Variants in NRCAM observed in about 807,000 individuals in gnomAD.
NRCAM encodes the protein neuronal cell adhesion molecule, also known as NgCAM-related cell adhesion molecule.
A neutral mutation model predicts 156.5 loss-of-function variants in NRCAM; 83 were observed. The ratio of observed to expected loss-of-function variants is 0.53; its 90% CI spans 0.44 to 0.64. NRCAM has a LOEUF of 0.64. Ranked by LOEUF, NRCAM falls within the 30% of genes least tolerant of loss-of-function variation. The pLI, the probability that NRCAM is intolerant of heterozygous loss-of-function variation, is 0.00. For missense variants in NRCAM, 1,417 were observed against 1,597.3 expected, an observed-to-expected ratio of 0.89 and a Z score of 1.92; for synonymous variants, 538 against 563.9, an observed-to-expected ratio of 0.95 and a Z score of 0.65.
At chr7:108,191,499 C>T (rs1459817064) in intron 18 of NRCAM, among the ~76,000 whole-genome samples, 1 of 152,072 alleles carries the variant, frequency 6.6e-6, no homozygotes, top group Non-Finnish European at 1.5e-5. Flanking sequence ...TATTTTATTA[C>T]AAAAAAGGTT....
chr7:108,154,312 C>T (rs2151049635), intron 32 of NRCAM, among the ~76,000 whole-genome samples: 1 of 152,144 alleles, frequency 6.6e-6, no homozygotes, highest in Admixed American at 6.5e-5. Context: ...GCTATCATAA[C>T]TAGAATAAGT....
chr7:108,424,368 T>C (rs528712369), intron 1 of NRCAM, among the ~76,000 whole-genome samples: 1 of 152,330 alleles, frequency 6.6e-6, no homozygotes, highest in Admixed American at 6.5e-5. Flanking sequence ...TGCGGTGGCT[T>C]CCTGGAAGCT....
chr7:108,169,160 A>G (rs1416088827), intron 28 of NRCAM, among the ~76,000 whole-genome samples: 2 of 152,242 alleles, frequency 1.3e-5, no homozygotes, highest in Non-Finnish European at 2.9e-5. Flanking sequence ...CTGAAAAATC[A>G]TAGTGCAACC....
intron 2 of NRCAM, among the ~76,000 whole-genome samples, chr7:108,342,560 A>C (rs570123076): frequency 1.3e-5 from 2 of 152,240 alleles, no homozygotes; most frequent in Non-Finnish European, 2.9e-5. Context: ...CAGGCCCTGA[A>C]GAAGGCCCTA....
At chr7:108,207,256 C>T in intron 13 of NRCAM, 1 of 270,062 alleles carries the variant, frequency 3.7e-6, no homozygotes, top group South Asian at 7.9e-5. Flanking sequence ...TATTTCTGAC[C>T]CTGTCATTCT....
intron 32 of NRCAM, among the ~76,000 whole-genome samples, chr7:108,155,135 CACACACACAT>C (rs1563168725): frequency 0.076 from 10,623 of 140,192 alleles, 491 homozygotes; most frequent in African/African-American, 0.14. Flanking sequence ...CACACACACA[CACACACACAT>C]ATAGCAGACC....
At chr7:108,389,243 C>G (rs539742349) in intron 2 of NRCAM, among the ~76,000 whole-genome samples, 79 of 152,134 alleles carry the variant, frequency 5.2e-4, no homozygotes, top group East Asian at 7.7e-4. Flanking sequence ...GTTGAGCAGT[C>G]GTTTGTAGTT....
chr7:108,400,427 C>T (rs1293052768), intron 1 of NRCAM, among the ~76,000 whole-genome samples: 1 of 152,184 alleles, frequency 6.6e-6, no homozygotes, highest in Non-Finnish European at 1.5e-5. Context: ...CTCAACCCTG[C>T]CTGTGCATTA....
chr7:108,177,711 A>G (rs1454133881), intron 26 of NRCAM, among the ~76,000 whole-genome samples: 5 of 19,798 alleles, frequency 2.5e-4, no homozygotes, highest in African/African-American at 3.8e-4. Flanking sequence ...GTATATATAT[A>G]TATACGTGTG....
At chr7:108,300,397 C>A (rs1283462907) in intron 3 of NRCAM, among the ~76,000 whole-genome samples, 1 of 151,674 alleles carries the variant, frequency 6.6e-6, no homozygotes, top group Non-Finnish European at 1.5e-5. Flanking sequence ...TTAGAGGATA[C>A]CAGATGCTAT....
intron 20 of NRCAM, among the ~76,000 whole-genome samples, chr7:108,189,140 C>T (rs941145482): frequency 6.6e-6 from 1 of 152,222 alleles, no homozygotes; most frequent in Non-Finnish European, 1.5e-5. Flanking sequence ...AACTTTGTAG[C>T]AGGGACTAAT....
chr7:108,295,675 G>T (rs2098439942), intron 3 of NRCAM, among the ~76,000 whole-genome samples: 1 of 152,192 alleles, frequency 6.6e-6, no homozygotes, highest in Non-Finnish European at 1.5e-5. Context: ...TCACCTCATA[G>T]CATTCATTGT....
chr7:108,415,660 C>A (rs1800624532), intron 1 of NRCAM, among the ~76,000 whole-genome samples: 1 of 152,160 alleles, frequency 6.6e-6, no homozygotes, highest in African/African-American at 2.4e-5. Flanking sequence ...GTGGGTGGAT[C>A]ATCTGAGGTC....
intron 1 of NRCAM, among the ~76,000 whole-genome samples, chr7:108,434,541 T>TACAC (rs141756969): frequency 0.14 from 19,700 of 141,080 alleles, 1,395 homozygotes; most frequent in East Asian, 0.17. Context: ...CAATGGAATG[T>TACAC]ACACACACAC....
intron 32 of NRCAM, among the ~76,000 whole-genome samples, chr7:108,154,827 C>T (rs2043995395): frequency 1.3e-5 from 2 of 152,044 alleles, no homozygotes; most frequent in Non-Finnish European, 2.9e-5. Context: ...CAGGTCCCTA[C>T]TTCAGAGAGA....
At chr7:108,177,918 ATTAT>A (rs1410099339) in intron 26 of NRCAM, 68 bp downstream of exon 26, 5 of 1,423,386 alleles carry the variant, frequency 3.5e-6, no homozygotes, top group Admixed American at 2.0e-5. Context: ...AGGAGGTATA[ATTAT>A]TTGTCAATTA....
In NRCAM at chr7:108,405,464, A is replaced by G. The variant is rs929613617; in HGVS notation, c.-331-5871T>C. Among the ~76,000 whole-genome samples the G allele has an allele frequency of 3.9e-5, 6 of 152,318 alleles. No homozygotes were observed. In the South Asian group the frequency reaches 1.2e-3, roughly 32 times the overall value. ...CTCTTTGAACCCTCACAATAATCCC[A>G]TAAGGTGGACATTATTGCAACAATT... is the stretch of plus-strand genomic sequence containing the variant. On this transcript the variant is annotated intron_variant, in intron 1 of 32. Coordinates refer to ENST00000379028, the MANE Select transcript of NRCAM (RefSeq NM_001037132.4).
rs2065520842 is a variant in NRCAM at position 108,184,552 on chromosome 7, C to A, written c.2098G>T (p.Val700Phe). Residue 700 changes from valine to phenylalanine, a missense_variant, in exon 21 of 33, where the codon GTT becomes TTT. By Grantham distance (50) the Val-to-Phe change is conservative (BLOSUM62 -1). Transcript: ENST00000379028. ...TGGGCTGTGGTCTGTGTTCCAGAAA[C>A]TTCAGTTTGGTGGTGCCACAGCCCT... ...KPGLWHHQTE[V>F]SGTQTTAQLK... is the part of the protein sequence containing the mutation. The A allele has an allele frequency of 6.2e-7, 1 of 1,614,006 alleles. No individual in the cohort carries two copies. The highest frequency in any genetic ancestry group is 8.5e-7 in the Non-Finnish European group (1 of 1,180,024).
At chr7:108,435,092 CAA>C (rs901521278) in intron 1 of NRCAM, among the ~76,000 whole-genome samples, 121 of 150,432 alleles carry the variant, frequency 8.0e-4, no homozygotes, top group African/African-American at 2.8e-3. Context: ...ACTTAGCAGA[CAA>C]AGACTTCTAA....
Sources: gnomAD v4.1 joint callset for allele counts (sites outside exome capture counted in the v4.1 genomes callset) on GRCh38, gnomAD v4.1.1 for gene constraint, MANE v1.5 for transcripts, NCBI Gene and HGNC (gene_info 2026-07-23, HGNC 2026-07-21) for gene names.